The following TTC28 variants were observed in gnomAD, a reference collection of about 807,000 sequenced individuals.
The protein encoded by TTC28 is tetratricopeptide repeat domain 28, also known as tetratricopeptide repeat protein 28.
Under a neutral mutation model 198.0 loss-of-function variants are expected in TTC28, and 61 were observed. The observed-to-expected ratio is 0.31, with a 90% confidence interval of 0.25 to 0.38. TTC28 has a LOEUF of 0.38. TTC28 is among the 10% of genes least tolerant of loss of function. TTC28 has a pLI of 1.00. For missense variants in TTC28, 2,678 were observed against 3,164.0 expected, an observed-to-expected ratio of 0.85 and a Z score of 3.69; for synonymous variants, 1,171 against 1,297.8, an observed-to-expected ratio of 0.90 and a Z score of 2.10.
At chr22:28,099,167 A>G in intron 9 of TTC28, 123 bp from the exon 10 acceptor site, 2 of 1,352,782 alleles carry the variant, frequency 1.5e-6, no homozygotes, top group Non-Finnish European at 2.0e-6. Context: ...CAGATTTGAA[A>G]GGAAGAGTCT....
rs56085644 is a variant in TTC28, at chr22:27,982,363, C to A, written c.7304G>T (p.Arg2435Leu). Reference protein sequence around the residue: ...PPKAPPNGHWRTETTSLGSLP... With the variant: ...PPKAPPNGHWLTETTSLGSLP... ...TGAGCCCAGCGAGGTGGTCTCGGTG[C>A]GCCAGTGTCCGTTGGGAGGGGCTTT... is the stretch of plus-strand genomic sequence containing the variant. Residue 2435 changes from arginine (R) to leucine (L), a missense_variant, in exon 23 of 23, where the codon CGC (arginine) becomes CTC (leucine). Arg to Leu is a moderately radical substitution (Grantham distance 102). Around this residue, in one of 8 missense-constraint regions of TTC28, gnomAD observed 622 missense variants for 656.0 expected, o/e 0.95. Transcript: ENST00000397906. This position sits in a 1 kb window ranked among gnomAD's most constrained non-coding sequence, Gnocchi z 5.2. 1 of 1,540,918 alleles carries A rather than the reference C, an allele frequency of 6.5e-7. No individual in the cohort carries two copies. Among genetic ancestry groups the A allele is most frequent in the South Asian group, 1.2e-5 (1 of 83,014 alleles).
chr22:28,541,087 G>A (rs1210455812), intron 2 of TTC28, among the ~76,000 whole-genome samples: 2 of 152,204 alleles, frequency 1.3e-5, no homozygotes, highest in Non-Finnish European at 2.9e-5. Context: ...AAAGTGTTAT[G>A]AACTACATGA....
At chr22:28,032,344 C>G (rs1449153260) in intron 12 of TTC28, among the ~76,000 whole-genome samples, 2 of 146,636 alleles carry the variant, frequency 1.4e-5, no homozygotes, top group African/African-American at 5.1e-5. Flanking sequence ...TTCTGTTTCT[C>G]TGGAAAACCC....
At chr22:28,350,293 C>T (rs190250137) in intron 2 of TTC28, among the ~76,000 whole-genome samples, 276 of 152,298 alleles carry the variant, frequency 1.8e-3, no homozygotes, top group African/African-American at 6.4e-3. Flanking sequence ...ATTTTAGGGA[C>T]AGACTGTATT....
chr22:28,583,191 A>ATAAAATCATTTTT (rs2050256750), intron 2 of TTC28, among the ~76,000 whole-genome samples: 1 of 152,124 alleles, frequency 6.6e-6, no homozygotes, highest in African/African-American at 2.4e-5. Context: ...TTCTCATTTT[A>ATAAAATCATTTTT]TAAAATCATT....
intron 2 of TTC28, among the ~76,000 whole-genome samples, chr22:28,563,690 T>C (rs1170722042): frequency 6.6e-6 from 1 of 152,148 alleles, no homozygotes; most frequent in Non-Finnish European, 1.5e-5. Context: ...CCCTTGTAGA[T>C]TGCTGGTGGG....
chr22:28,555,053 C>T (rs1299688168), intron 2 of TTC28, among the ~76,000 whole-genome samples: 2 of 152,084 alleles, frequency 1.3e-5, no homozygotes, highest in Non-Finnish European at 2.9e-5. Context: ...CATAAATAGA[C>T]AATTCTCAAA....
At chr22:28,532,990 C>T (rs918550360) in intron 2 of TTC28, among the ~76,000 whole-genome samples, 2 of 152,192 alleles carry the variant, frequency 1.3e-5, no homozygotes, top group African/African-American at 4.8e-5. Context: ...CTTTTGAAAA[C>T]TGGCACAAGA....
At chr22:28,045,671 A>G (rs1939833154) in intron 12 of TTC28, among the ~76,000 whole-genome samples, 1 of 152,206 alleles carries the variant, frequency 6.6e-6, no homozygotes, top group African/African-American at 2.4e-5. Flanking sequence ...TATCCAATAA[A>G]GAGTCATCCC....
chr22:28,099,604 C>T (rs907922229), intron 9 of TTC28, among the ~76,000 whole-genome samples: 1 of 152,160 alleles, frequency 6.6e-6, no homozygotes, highest in East Asian at 1.9e-4. Flanking sequence ...CAGTAAATTA[C>T]AGTTTATATA....
chr22:28,529,411 G>A lies in TTC28; in HGVS notation c.381+100141C>T, dbSNP rs543558162. Among the ~76,000 whole-genome samples the A allele has an allele frequency of 3.9e-5, 6 of 152,316 alleles. No individual in the cohort carries two copies. In the South Asian group the frequency reaches 1.2e-3, roughly 32 times the overall value. ...GGTAGGTAAACAAAGTGGCCTGGAA[G>A]CTCAAACTGGGTGGAGTCCACCACA... On this transcript the variant is annotated intron_variant, in intron 2 of 22. Transcript: ENST00000397906.
intron 22 of TTC28, among the ~76,000 whole-genome samples, chr22:27,984,547 G>A (rs1180729966): frequency 2.0e-5 from 3 of 151,976 alleles, no homozygotes; most frequent in African/African-American, 7.3e-5. Flanking sequence ...CCCGGGTGAT[G>A]CCATGCATGT....
chr22:28,153,110 A>C (rs1943648239), intron 6 of TTC28, among the ~76,000 whole-genome samples: 1 of 152,084 alleles, frequency 6.6e-6, no homozygotes, highest in Admixed American at 6.5e-5. Flanking sequence ...TTTCTGATTC[A>C]GATTACCAGA....
chr22:27,985,675 CCATTTTTTTTT>C (rs1339391152), intron 21 of TTC28: 2 of 227,286 alleles, frequency 8.8e-6, no homozygotes, highest in East Asian at 8.7e-5. Flanking sequence ...GTTTTCTTTT[CCATTTTTTTTT>C]CACAGAAGTA....
chr22:28,045,870 A>G (rs553578979), intron 12 of TTC28, among the ~76,000 whole-genome samples: 2 of 152,306 alleles, frequency 1.3e-5, no homozygotes, highest in Admixed American at 6.5e-5. Flanking sequence ...AGGCTAAGGC[A>G]GGAGAATCAC....
Position 28,105,382 on chromosome 22 carries a change from T to C in TTC28, c.3204A>G (p.Ala1068=), listed in dbSNP as rs370433703. 1.4e-5 allele frequency: 22 copies of C among 1,551,604 alleles called. No individual in the cohort carries two copies. The African/African-American group carries it at 2.2e-4, about 15-fold the overall frequency. ...TCTTGGCCGCCAAGTCATTCATCTG[T>C]GCAGCAATGCTCAAGTGCTGTTCTT... ...VYQEQHLSIA[A]QMNDLAAKTV... Residue 1068 remains alanine (A), a synonymous_variant, in exon 8 of 23, where the codon GCA becomes GCG. Transcript: ENST00000397906.
At chr22:28,441,320 G>A (rs897599680) in intron 2 of TTC28, among the ~76,000 whole-genome samples, 2 of 152,108 alleles carry the variant, frequency 1.3e-5, no homozygotes, top group Non-Finnish European at 2.9e-5. Context: ...TAGAAGAAAT[G>A]GGGGACTTTA....
chr22:28,169,270 C>A (rs1312009988), intron 5 of TTC28, among the ~76,000 whole-genome samples: 3 of 152,074 alleles, frequency 2.0e-5, no homozygotes, highest in Non-Finnish European at 4.4e-5. Flanking sequence ...TGTGGTGATT[C>A]CTCAGGGATC....
intron 6 of TTC28, among the ~76,000 whole-genome samples, chr22:28,148,919 T>A (rs1445023664): frequency 6.6e-6 from 1 of 152,202 alleles, no homozygotes; most frequent in African/African-American, 2.4e-5. Flanking sequence ...ACTCCAGTTA[T>A]AAGTCCTAGC....
Sources: allele counts gnomAD v4.1 joint callset (sites outside exome capture counted in the v4.1 genomes callset), GRCh38; gene constraint gnomAD v4.1.1; regional missense constraint gnomAD v4.1.1; non-coding constraint Gnocchi (gnomAD v3.1); transcripts MANE v1.5; gene names NCBI Gene and HGNC (gene_info 2026-07-23, HGNC 2026-07-21).